The following SLC4A4 variants were observed in gnomAD, a reference collection of about 807,000 sequenced individuals.
The protein encoded by SLC4A4 is solute carrier family 4 member 4.
SLC4A4 carries 27 observed loss-of-function variants against 111.5 expected under a neutral mutation model. That is an observed-to-expected ratio of 0.24 (90% CI 0.18 to 0.33). The LOEUF (loss-of-function observed/expected upper bound fraction) is 0.33. Among genes scored for constraint, SLC4A4 ranks in the 10% least tolerant of loss-of-function variants. The probability of loss-of-function intolerance (pLI) is 1.00; values close to 1 mark genes in which losing one functional copy is unlikely to be tolerated. For missense variants in SLC4A4, 909 were observed against 1,315.5 expected, an observed-to-expected ratio of 0.69 and a Z score of 4.78; for synonymous variants, 443 against 463.4, an observed-to-expected ratio of 0.96 and a Z score of 0.57.
intron 3 of SLC4A4, among the ~76,000 whole-genome samples, chr4:71,295,572 T>G (rs1241608356): frequency 6.6e-6 from 1 of 152,208 alleles, no homozygotes; most frequent in Non-Finnish European, 1.5e-5. Flanking sequence ...ATGATGTCAC[T>G]TATTTTAAAT....
chr4:71,466,445 G>T lies in SLC4A4; in HGVS notation c.1499G>T (p.Gly500Val). The T allele has an allele frequency of 6.2e-7, 1 of 1,613,402 alleles. No individual in the cohort carries two copies. Among genetic ancestry groups the T allele is most frequent in the Non-Finnish European group, 8.5e-7 (1 of 1,179,606 alleles). ...LLGDATDNMQ[G>V]VLESFLGTAV... is the part of the protein sequence containing the mutation. ...ACATCTATATTTTCTTTATTTTAGG[G>T]CGTGTTGGAGAGTTTCCTGGGCACT... is the stretch of plus-strand genomic sequence containing the variant. Residue 500 changes from glycine to valine, a missense_variant and splice_region_variant, in exon 13 of 26, where the codon GGC becomes GTC. By Grantham distance (109) the Gly-to-Val change is moderately radical (BLOSUM62 -3). Transcript: ENST00000264485.
intron 7 of SLC4A4, among the ~76,000 whole-genome samples, chr4:71,425,544 C>G (rs1398987203): frequency 6.6e-6 from 1 of 152,162 alleles, no homozygotes; most frequent in Non-Finnish European, 1.5e-5. Context: ...ATGCCTGTGA[C>G]AGCCTGAGGC....
At chr4:71,435,434 A>G (rs1189386416) in intron 7 of SLC4A4, among the ~76,000 whole-genome samples, 4 of 152,194 alleles carry the variant, frequency 2.6e-5, no homozygotes, top group African/African-American at 9.6e-5. Context: ...ACTTAAATGT[A>G]AGACCTAAAA....
intron 3 of SLC4A4, among the ~76,000 whole-genome samples, chr4:71,259,345 C>T (rs1219402513): frequency 2.0e-5 from 3 of 151,886 alleles, no homozygotes; most frequent in African/African-American, 4.8e-5. Context: ...GAGGAGGAAG[C>T]GAGCTAGCTT....
intron 15 of SLC4A4, among the ~76,000 whole-genome samples, chr4:71,490,507 C>CT (rs1453206592): frequency 1.3e-5 from 2 of 151,714 alleles, no homozygotes; most frequent in African/African-American, 4.8e-5. Context: ...TTTGGGGGAT[C>CT]TTTCTTTGCC....
intron 2 of SLC4A4, among the ~76,000 whole-genome samples, chr4:71,143,510 T>C (rs191921344): frequency 1.6e-3 from 239 of 152,344 alleles, no homozygotes; most frequent in African/African-American, 5.0e-3. Context: ...TCTAGATCCC[T>C]GAGGAATCAC....
chr4:71,291,810 TTTACAA>T (rs1420795756), intron 3 of SLC4A4, among the ~76,000 whole-genome samples: 2 of 152,226 alleles, frequency 1.3e-5, no homozygotes, highest in Non-Finnish European at 2.9e-5. Context: ...GAAAATGTAC[TTTACAA>T]TTCTATATTA....
At chr4:71,356,700 C>A (rs1253733261) in intron 5 of SLC4A4, among the ~76,000 whole-genome samples, 1 of 152,062 alleles carries the variant, frequency 6.6e-6, no homozygotes, top group African/African-American at 2.4e-5. Context: ...CTTTTTGACT[C>A]TTCCCCTTTT....
chr4:71,147,607 T>C (rs1226379881), intron 2 of SLC4A4, among the ~76,000 whole-genome samples: 1 of 152,144 alleles, frequency 6.6e-6, no homozygotes, highest in Non-Finnish European at 1.5e-5. Flanking sequence ...TGGGGCTTGA[T>C]TTAATCACAG....
chr4:71,133,429 A>G (rs556027399), intron 2 of SLC4A4, among the ~76,000 whole-genome samples: 1 of 152,304 alleles, frequency 6.6e-6, no homozygotes, highest in East Asian at 1.9e-4. Flanking sequence ...GCTGGCTCAC[A>G]TAGTTGGCAA....
chr4:71,417,946 A>C (rs989615506), intron 7 of SLC4A4, among the ~76,000 whole-genome samples: 6 of 152,318 alleles, frequency 3.9e-5, no homozygotes, highest in African/African-American at 1.4e-4. Context: ...AATTTCCCTC[A>C]TCTGTAAAAT....
At chr4:71,543,664 G>C (rs1735266228) in intron 18 of SLC4A4, among the ~76,000 whole-genome samples, 1 of 151,960 alleles carries the variant, frequency 6.6e-6, no homozygotes, top group South Asian at 2.1e-4. Flanking sequence ...TTTTACATAA[G>C]CTATTCTTTT....
At chr4:71,376,795 C>A in intron 6 of SLC4A4, among the ~76,000 whole-genome samples, 1 of 151,670 alleles carries the variant, frequency 6.6e-6, no homozygotes, top group East Asian at 1.9e-4. Context: ...CGCCACCATG[C>A]CCAGCTAATT....
intron 7 of SLC4A4, among the ~76,000 whole-genome samples, chr4:71,426,082 A>G (rs941262889): frequency 1.3e-5 from 2 of 152,094 alleles, no homozygotes; most frequent in Non-Finnish European, 2.9e-5. Flanking sequence ...TCTATGTGCC[A>G]TATGATGCTG....
rs566802443 is a variant in SLC4A4 at position 71,063,204 on chromosome 4, C to A, written c.-65+416C>A. Among the ~76,000 whole-genome samples the A allele has an allele frequency of 3.9e-5, 6 of 152,228 alleles. No individual in the cohort carries two copies. The East Asian group carries it at 1.2e-3, about 29-fold the overall frequency. The stretch of plus-strand genomic sequence containing the variant: ...TTGGATAAAAGGACTTAGTGTCATA[C>A]CCATGGATCATTTTAAACGAGCATA... On this transcript the variant is annotated intron_variant, in intron 1 of 26. Transcript: ENST00000649996.
At position 71,497,841 on chromosome 4, in the gene SLC4A4, T is replaced by C. The variant is rs1427258619; in HGVS notation, c.2166+149T>C. 5.7e-6 allele frequency: 4 copies of C among 699,900 alleles called. No homozygotes were observed. The East Asian group carries it at 1.1e-4, about 19-fold the overall frequency. 43.4% of individuals were successfully genotyped at this position (699,900 alleles called of 1,614,324 possible). On this transcript the variant is annotated intron_variant, in intron 16 of 25. Coordinates refer to ENST00000264485, the MANE Select transcript of SLC4A4 (RefSeq NM_001098484.3). ...CATTACACTTCAATCTTTGTTCATG[T>C]GCATACTTATTAACGTAAGTCTAGT...
chr4:71,389,838 C>T (rs959874644), intron 6 of SLC4A4, among the ~76,000 whole-genome samples: 22 of 152,086 alleles, frequency 1.4e-4, no homozygotes, highest in Non-Finnish European at 7.4e-5. Context: ...AACCAAGGGC[C>T]TTGGCTCTAG....
At chr4:71,088,837 AT>A (rs539558465) in intron 1 of SLC4A4, among the ~76,000 whole-genome samples, 14 of 151,710 alleles carry the variant, frequency 9.2e-5, no homozygotes, top group Non-Finnish European at 1.8e-4. Context: ...TGCCCTTAAC[AT>A]TTTTTCCTTC....
At chr4:71,085,159 A>T (rs11724304) in intron 1 of SLC4A4, among the ~76,000 whole-genome samples, 53,286 of 151,862 alleles carry the variant, frequency 0.35, 10,152 homozygotes, top group African/African-American at 0.5. Context: ...TGGCCAGTGA[A>T]GATGAGCATT....
Sources: allele counts gnomAD v4.1 joint callset (sites outside exome capture counted in the v4.1 genomes callset), GRCh38; gene constraint gnomAD v4.1.1; transcripts MANE v1.5; gene names NCBI Gene and HGNC (gene_info 2026-07-23, HGNC 2026-07-21).